The following SPHKAP variants were observed in gnomAD, a reference collection of about 807,000 sequenced individuals.
SPHKAP encodes the protein SPHK1 interactor, AKAP domain containing, also known as A-kinase anchor protein SPHKAP.
In SPHKAP, 67 loss-of-function variants were observed where a neutral mutation model predicts 137.5. The ratio of observed to expected loss-of-function variants is 0.49; its 90% confidence interval spans 0.40 to 0.60. SPHKAP has a LOEUF of 0.60. Among genes scored for constraint, SPHKAP ranks in the 20% least tolerant of loss-of-function variants. The probability of loss-of-function intolerance (pLI) is 0.00; values close to 1 mark genes in which losing one functional copy is unlikely to be tolerated. For missense variants in SPHKAP, 2,097 were observed against 2,069.3 expected, an observed-to-expected ratio of 1.01 and a Z score of -0.26; for synonymous variants, 813 against 785.3, an observed-to-expected ratio of 1.04 and a Z score of -0.59.
chr2:228,083,029 A>T (rs545608168), intron 3 of SPHKAP, among the ~76,000 whole-genome samples: 1 of 152,334 alleles, frequency 6.6e-6, no homozygotes, highest in East Asian at 1.9e-4. Context: ...GAGGAAGCTC[A>T]TTACTTCATA....
chr2:228,031,378 C>G (rs1052978323), intron 3 of SPHKAP, among the ~76,000 whole-genome samples: 1 of 152,216 alleles, frequency 6.6e-6, no homozygotes. Context: ...GAAGCTCGAT[C>G]TGGGTGGAGC....
At chr2:228,111,707 GA>G (rs2106351174) in intron 2 of SPHKAP, among the ~76,000 whole-genome samples, 1 of 152,002 alleles carries the variant, frequency 6.6e-6, no homozygotes, top group African/African-American at 2.4e-5. Context: ...TTATTATAAA[GA>G]TACAAATCTT....
At chr2:228,112,395 C>T (rs1698547239) in intron 2 of SPHKAP, among the ~76,000 whole-genome samples, 1 of 152,098 alleles carries the variant, frequency 6.6e-6, no homozygotes, top group Non-Finnish European at 1.5e-5. Flanking sequence ...ATATCCTGCA[C>T]CTTGTCTACA....
intron 3 of SPHKAP, among the ~76,000 whole-genome samples, chr2:228,064,876 G>A (rs1574815928): frequency 1.3e-5 from 2 of 152,204 alleles, no homozygotes; most frequent in Non-Finnish European, 2.9e-5. Context: ...ATGGCCTTGG[G>A]TCTGCCAAAA....
chr2:227,992,486 T>C (rs1256951654), intron 9 of SPHKAP, among the ~76,000 whole-genome samples: 2 of 152,138 alleles, frequency 1.3e-5, no homozygotes. Context: ...GGTTGTAGGG[T>C]CATAGGCTCA....
At chr2:228,164,938 T>C (rs4525684) in intron 1 of SPHKAP, among the ~76,000 whole-genome samples, 20,507 of 152,228 alleles carry the variant, frequency 0.13, 1,391 homozygotes, top group East Asian at 0.2. Flanking sequence ...TGTCCACTGA[T>C]GTCATTGTCT....
chr2:228,045,560 G>A lies in SPHKAP; in HGVS notation c.247-18017C>T, dbSNP rs181862222. Reference sequence around the variant, plus strand: ...GGGAATTGAACAATGAGAACACATGGACACACGAAGGGGAACATCACACAG... The same window carrying A: ...GGGAATTGAACAATGAGAACACATGAACACACGAAGGGGAACATCACACAG... On this transcript the variant is annotated intron_variant, in intron 3 of 11. Coordinates refer to ENST00000392056, the MANE Select transcript of SPHKAP (RefSeq NM_001142644.2). 9.2e-5 allele frequency among the ~76,000 whole-genome samples: 14 copies of A among 151,994 alleles called. No individual in the cohort carries two copies. In the East Asian group the frequency reaches 1.4e-3, roughly 15 times the overall value.
chr2:228,001,477 ATATATATACGTATATATAAG>A (rs1336518721), intron 7 of SPHKAP, among the ~76,000 whole-genome samples: 20 of 143,806 alleles, frequency 1.4e-4, no homozygotes, highest in South Asian at 6.3e-4. Flanking sequence ...ATATATAAAA[ATATATATACGTATATATAAG>A]TATATATACG....
chr2:228,015,620 C>T (rs1694551728), intron 7 of SPHKAP, among the ~76,000 whole-genome samples: 1 of 152,118 alleles, frequency 6.6e-6, no homozygotes, highest in Non-Finnish European at 1.5e-5. Context: ...AAATTATTAC[C>T]TTGCGTCAAA....
chr2:228,012,294 T>A (rs1016023118), intron 7 of SPHKAP, among the ~76,000 whole-genome samples: 8 of 150,062 alleles, frequency 5.3e-5, no homozygotes, highest in African/African-American at 2.0e-4. Context: ...TGTCTTCCTT[T>A]AAAAAAAAAG....
At chr2:228,121,396 G>A (rs1698899642) in intron 2 of SPHKAP, among the ~76,000 whole-genome samples, 1 of 152,162 alleles carries the variant, frequency 6.6e-6, no homozygotes, top group Non-Finnish European at 1.5e-5. Context: ...TGCACCTATA[G>A]TCCAAGCTAC....
chr2:228,178,127 G>A (rs115937352), intron 1 of SPHKAP, among the ~76,000 whole-genome samples: 23 of 152,254 alleles, frequency 1.5e-4, no homozygotes, highest in African/African-American at 4.8e-4. Flanking sequence ...TGGTATCAGT[G>A]TTTGTCCAAA....
At chr2:228,141,137 G>A (rs184760523) in intron 1 of SPHKAP, among the ~76,000 whole-genome samples, 3 of 152,270 alleles carry the variant, frequency 2.0e-5, no homozygotes, top group Admixed American at 2.0e-4. Context: ...TTCTGTGACC[G>A]TGTCATCTAA....
intron 3 of SPHKAP, among the ~76,000 whole-genome samples, chr2:228,087,161 T>C (rs1002910344): frequency 5.3e-5 from 8 of 152,176 alleles, no homozygotes; most frequent in African/African-American, 1.9e-4. Context: ...TCCTAGGTGG[T>C]TGTACAAAGT....
rs1355878101 is a variant in SPHKAP at position 228,103,099 on chromosome 2, C to T, written c.246+5733G>A. 3.3e-5 allele frequency among the ~76,000 whole-genome samples: 5 copies of T among 152,274 alleles called. No homozygotes were observed. In the East Asian group the frequency reaches 9.7e-4, roughly 29 times the overall value. ...TTGGTTTCTGTTTCTTCCACACAAC[C>T]TTCACAGATGTTGAGTCACCTGGCT... On this transcript the variant is annotated intron_variant, in intron 3 of 11. Transcript: ENST00000392056.
chr2:228,181,619 A>C lies in SPHKAP; in HGVS notation c.-21T>G, dbSNP rs1361500201. The C allele has an allele frequency of 1.2e-6, 2 of 1,613,990 alleles. No homozygotes were observed. Among genetic ancestry groups the C allele is most frequent in the South Asian group, 2.2e-5 (2 of 91,062 alleles). On this transcript the variant is annotated 5_prime_UTR_variant, in exon 1 of 12. Coordinates refer to ENST00000392056, the MANE Select transcript of SPHKAP (RefSeq NM_001142644.2). The surrounding 1 kb of genome is among the most constrained non-coding windows in gnomAD (Gnocchi z 4.3). ...TCCATTGTTGGTGGGCGCCCAGAGA[A>C]GAAAGACGGAAAGTGCAGGCGAAGG...
intron 4 of SPHKAP, 67 bp downstream of exon 4, chr2:228,027,417 T>A: frequency 6.7e-7 from 1 of 1,502,406 alleles, no homozygotes; most frequent in Non-Finnish European, 9.2e-7. Flanking sequence ...GAGCATTATT[T>A]ACAGATGAAA....
At chr2:228,166,788 A>C (rs555139956) in intron 1 of SPHKAP, among the ~76,000 whole-genome samples, 18 of 152,306 alleles carry the variant, frequency 1.2e-4, no homozygotes, top group Middle Eastern at 3.4e-3. Flanking sequence ...GAAATACCTG[A>C]GACCTAGTGA....
intron 9 of SPHKAP, among the ~76,000 whole-genome samples, chr2:227,993,282 T>C (rs1040825449): frequency 2.6e-5 from 4 of 152,336 alleles, no homozygotes; most frequent in African/African-American, 9.6e-5. Context: ...TAAAATGACA[T>C]ACACTTCAGA....
Sources: gnomAD v4.1 joint callset for allele counts (sites outside exome capture counted in the v4.1 genomes callset) on GRCh38, gnomAD v4.1.1 for gene constraint, Gnocchi (gnomAD v3.1) non-coding constraint, MANE v1.5 for transcripts, NCBI Gene and HGNC (gene_info 2026-07-23, HGNC 2026-07-21) for gene names.